The following TPM3 variants were observed in gnomAD, a reference collection of about 807,000 sequenced individuals.
TPM3 encodes tropomyosin alpha-3 chain.
Under a neutral mutation model 43.1 loss-of-function variants are expected in TPM3, and 16 were observed. The ratio of observed to expected loss-of-function variants is 0.37; its 90% confidence interval spans 0.25 to 0.56. TPM3 has a LOEUF of 0.56. TPM3 is among the 20% of genes least tolerant of loss of function. TPM3 has a pLI of 0.77. For synonymous variants in TPM3, 101 were observed against 116.9 expected (o/e 0.86, Z 0.88); for missense variants, 176 against 337.2 (o/e 0.52, Z 3.74).
At chr1:154,175,967 G>T in intron 3 of TPM3, 148 bp downstream of exon 3, 2 of 1,328,102 alleles carry the variant, frequency 1.5e-6, no homozygotes, top group Non-Finnish European at 2.1e-6. Context: ...CCACCCTCCT[G>T]CCTCAGCGTC....
chr1:154,171,524 G>A (rs768731785), intron 5 of TPM3, 36 bp from the exon 6 acceptor site: 1 of 1,606,714 alleles, frequency 6.2e-7, no homozygotes, highest in Admixed American at 1.7e-5. Flanking sequence ...AGAGGAAAAG[G>A]GAAAAGGAAG....
At chr1:154,172,440 T>C (rs1196784145) in intron 5 of TPM3, 3 of 527,894 alleles carry the variant, frequency 5.7e-6, no homozygotes, top group Non-Finnish European at 7.6e-6. Context: ...TTATTTGTTT[T>C]AGGGACAGGG....
Position 154,162,463 on chromosome 1 carries a change from A to G in TPM3, c.*5474T>C, listed in dbSNP as rs1235554333. 6.6e-6 allele frequency among the ~76,000 whole-genome samples: 1 copy of G among 151,736 alleles called. No individual in the cohort carries two copies. Among genetic ancestry groups the G allele is most frequent in the Non-Finnish European group, 1.5e-5 (1 of 68,016 alleles). On this transcript the variant is annotated 3_prime_UTR_variant, in exon 10 of 10. Coordinates refer to ENST00000651641, the MANE Select transcript of TPM3 (RefSeq NM_152263.4). ...GAAGAGATTTGGTTGGGGCTAAGAT[A>G]AAGCTGCCAAACAGAATAGGTCTAA...
At chr1:154,174,857 C>G (rs1165846128) in intron 3 of TPM3, among the ~76,000 whole-genome samples, 8 of 152,128 alleles carry the variant, frequency 5.3e-5, no homozygotes, top group Admixed American at 5.2e-4. Context: ...TTCATTTTCA[C>G]AGCTGCACAG....
downstream of TPM3, chr1:154,157,139 G>C (rs1403190855): frequency 3.9e-6 from 1 of 254,728 alleles, no homozygotes; most frequent in Admixed American, 5.1e-5. Context: ...ACAGAACAAT[G>C]AGGTTTCCCA....
In TPM3 at chr1:154,192,005, A is replaced by G. The variant is rs1247476771; in HGVS notation, c.14T>C (p.Ile5Thr). The change falls in exon 1 of 10, where the codon ATC (isoleucine) becomes ACC (threonine). Residue 5 changes from isoleucine (I) to threonine (T), a missense_variant. Transcript: ENST00000651641. Reference protein sequence around the residue: MMEAIKKKMQMLKLD... With the variant: MMEATKKKMQMLKLD... Reference sequence around the variant, plus strand: ...CTTCAGCATCTGCATCTTTTTCTTGATGGCCTCCATCATGAGCAGTGGCTG... The same window carrying G: ...CTTCAGCATCTGCATCTTTTTCTTGGTGGCCTCCATCATGAGCAGTGGCTG... 1.2e-6 allele frequency: 2 copies of G among 1,613,510 alleles called. No individual in the cohort carries two copies. Among genetic ancestry groups the G allele is most frequent in the African/African-American group, 2.7e-5 (2 of 74,912 alleles).
downstream of TPM3, among the ~76,000 whole-genome samples, chr1:154,160,908 T>C (rs1052282119): frequency 2.6e-5 from 4 of 151,968 alleles, no homozygotes; most frequent in African/African-American, 9.7e-5. Context: ...TTTGTGTGTG[T>C]GTGTATTAGA....
intron 5 of TPM3, chr1:154,171,745 G>A: frequency 1.6e-6 from 1 of 622,610 alleles, no homozygotes; most frequent in Non-Finnish European, 2.8e-6. Context: ...CCACTACCAG[G>A]AACAAGTCAT....
At position 154,165,831 on chromosome 1, in the gene TPM3, T is replaced by C. The variant is rs1040124488; in HGVS notation, c.*2106A>G. Reference sequence around the variant, plus strand: ...AGAAAAAAAGAAAAAAGTTTTAACATGTTTATGAAGTACCCATTACATGCC... The same window carrying C: ...AGAAAAAAAGAAAAAAGTTTTAACACGTTTATGAAGTACCCATTACATGCC... On this transcript the variant is annotated 3_prime_UTR_variant, in exon 10 of 10. Transcript: ENST00000651641. Among the ~76,000 whole-genome samples the C allele has an allele frequency of 1.3e-5, 2 of 151,498 alleles. No individual in the cohort carries two copies. The highest frequency in any genetic ancestry group is 4.8e-5 in the African/African-American group (2 of 41,262).
chr1:154,165,855 CCTT>C lies in TPM3; in HGVS notation c.*2079_*2081del, dbSNP rs1660900322. Among the ~76,000 whole-genome samples, 2 of 152,060 alleles carry C rather than the reference CCTT, an allele frequency of 1.3e-5. No individual in the cohort carries two copies. The highest frequency in any genetic ancestry group is 4.2e-4 in the South Asian group (2 of 4,796). Reference sequence around the variant, plus strand: ...ATGTTTATGAAGTACCCATTACATGCCTTCTTCCATGAGTTTTTCCAATTCATT... The same window carrying C: ...ATGTTTATGAAGTACCCATTACATGCCTTCCATGAGTTTTTCCAATTCATT... On this transcript the variant is annotated 3_prime_UTR_variant, in exon 10 of 10. Transcript: ENST00000651641.
rs1207194986 is a variant in TPM3 at position 154,192,038 on chromosome 1, G to C, written c.-20C>G. On this transcript the variant is annotated 5_prime_UTR_variant, in exon 1 of 10. Transcript: ENST00000651641. ...CATCATGAGCAGTGGCTGTTGGTAG[G>C]CTCACCTGTGAACACTGGAGAACTG... The C allele has an allele frequency of 2.5e-6, 4 of 1,602,828 alleles. No individual in the cohort carries two copies. The highest frequency in any genetic ancestry group is 3.4e-6 in the Non-Finnish European group (4 of 1,171,004).
chr1:154,157,556 T>C (rs1131570), downstream of TPM3: 1 of 766,554 alleles, frequency 1.3e-6, no homozygotes, highest in African/African-American at 1.7e-5. Context: ...CAGCCCTCAG[T>C]TAAAGGTCAG....
chr1:154,176,524 T>C (rs1027126542), intron 2 of TPM3, among the ~76,000 whole-genome samples: 2 of 152,082 alleles, frequency 1.3e-5, no homozygotes, highest in African/African-American at 2.4e-5. Flanking sequence ...ACCCACTTCC[T>C]GGACTCAGTT....
Position 154,171,501 on chromosome 1 carries a change from T to G in TPM3, c.567-13A>C, listed in dbSNP as rs774607949. 3.1e-6 allele frequency: 5 copies of G among 1,613,398 alleles called. No individual in the cohort carries two copies. In the Admixed American group the frequency reaches 8.3e-5, roughly 27 times the overall value. On this transcript the variant is annotated splice_polypyrimidine_tract_variant and intron_variant, in intron 5 of 9. Coordinates refer to ENST00000651641, the MANE Select transcript of TPM3 (RefSeq NM_152263.4). ...CTCAGAACACTTACTGTGAATATTT[T>G]AAATACCACAGGAGAGGAAAAGGGA...
At chr1:154,183,355 C>A (rs1235018149) in intron 2 of TPM3, 20 of 1,392,734 alleles carry the variant, frequency 1.4e-5, no homozygotes, top group Non-Finnish European at 1.9e-5. Context: ...GAGTACGGCT[C>A]CCGGCCTTAC....
chr1:154,191,258 C>T lies in TPM3; in HGVS notation c.171G>A (p.Glu57=), dbSNP rs1465471169. 1 of 1,614,168 alleles carries T rather than the reference C, an allele frequency of 6.2e-7. No homozygotes were observed. The highest frequency in any genetic ancestry group is 1.1e-5 in the South Asian group (1 of 91,080). ...TCAAAGCTTCAGAATACTTGTCCAG[C>T]TCATCCTCTGTCCCTTTCAGCTTCT... The part of the protein sequence containing the change: ...MQKKLKGTED[E]LDKYSEALKD... Residue 57 remains glutamate, a synonymous_variant, in exon 2 of 10, where the codon GAG becomes GAA. Transcript: ENST00000651641.
chr1:154,183,529 C>T (rs902039224), intron 2 of TPM3: 5 of 372,556 alleles, frequency 1.3e-5, no homozygotes, highest in African/African-American at 1.0e-4. Flanking sequence ...ACCCCTCACT[C>T]CCGCAATGCC....
At position 154,162,099 on chromosome 1, in the gene TPM3, A is replaced by G. The variant is rs1265545133; in HGVS notation, c.*5838T>C. 6.6e-6 allele frequency among the ~76,000 whole-genome samples: 1 copy of G among 152,092 alleles called. No homozygotes were observed. Among genetic ancestry groups the G allele is most frequent in the African/African-American group, 2.4e-5 (1 of 41,404 alleles). On this transcript the variant is annotated 3_prime_UTR_variant, in exon 10 of 10. Transcript: ENST00000651641. ...AAGAAACAACCCCATGGCCAGGTGC[A>G]GTGGCTCAAGTCTGTAACCCCAGCA...
chr1:154,188,702 C>T (rs1249979233), intron 2 of TPM3, among the ~76,000 whole-genome samples: 1 of 147,626 alleles, frequency 6.8e-6, no homozygotes, highest in East Asian at 2.0e-4. Context: ...AAAGCCTGTG[C>T]TGGCCTTAAC....
Sources: allele counts gnomAD v4.1 joint callset (sites outside exome capture counted in the v4.1 genomes callset), GRCh38; gene constraint gnomAD v4.1.1; transcripts MANE v1.5; gene names NCBI Gene and HGNC (gene_info 2026-07-23, HGNC 2026-07-21).